CDK3: variants seen among roughly 807,000 people sequenced by gnomAD.
CDK3 encodes the protein cyclin-dependent kinase 3.
Under a neutral mutation model 30.2 loss-of-function variants are expected in CDK3, and 24 were observed. The ratio of observed to expected loss-of-function variants is 0.79; its 90% CI spans 0.57 to 1.12. The LOEUF (loss-of-function observed/expected upper bound fraction) is 1.12, where lower values mean the gene tolerates loss of function less well. Ranked by LOEUF, CDK3 falls within the 50% of genes most tolerant of loss-of-function variation. The pLI is 0.00. For missense variants in CDK3, 345 were observed against 376.0 expected (o/e 0.92, Z 0.68); for synonymous variants, 158 against 154.2 (o/e 1.02, Z -0.18).
chr17:76,001,080 G>A lies in CDK3; in HGVS notation c.-15+113G>A. ...CTCTGACTTCCTGGGGGTTCTGGCT[G>A]GGATGGGCAGGGGGCTGGGTGGGAG... On this transcript the variant is annotated intron_variant, in intron 1 of 7. Transcript: ENST00000448471. The surrounding 1 kb of genome is among the most constrained non-coding windows in gnomAD (Gnocchi z 6.2). 8.5e-7 allele frequency: 1 copy of A among 1,176,756 alleles called. No individual in the cohort carries two copies. The highest frequency in any genetic ancestry group is 1.1e-6 in the Non-Finnish European group (1 of 940,474). 72.9% of individuals were successfully genotyped at this position (1,176,756 alleles called of 1,614,324 possible). A position where few individuals can be genotyped will look rare whatever the true frequency, so the allele number is the denominator to read the frequency against.
chr17:76,004,020 A>G (rs776224139), intron 7 of CDK3, among the ~76,000 whole-genome samples: 1 of 151,826 alleles, frequency 6.6e-6, no homozygotes, highest in Non-Finnish European at 1.5e-5. Context: ...CTGGGATTAC[A>G]GGCATGAGCC....
chr17:76,002,493 T>C lies in CDK3; in HGVS notation c.487-18T>C, dbSNP rs771824554. Reference sequence around the variant, plus strand: ...TGCACTCAGCCACCCTGAGTGATACTGTTTCTTTGCCCTGCAGGTGGTGAC... The same window carrying C: ...TGCACTCAGCCACCCTGAGTGATACCGTTTCTTTGCCCTGCAGGTGGTGAC... On this transcript the variant is annotated intron_variant, in intron 5 of 7. Coordinates refer to ENST00000448471, the MANE Select transcript of CDK3 (RefSeq NM_001258.4). The surrounding 1 kb of genome is among the most constrained non-coding windows in gnomAD (Gnocchi z 4.3). 1.3e-6 allele frequency: 2 copies of C among 1,537,956 alleles called. No individual in the cohort carries two copies. Among genetic ancestry groups the C allele is most frequent in the African/African-American group, 1.4e-5 (1 of 73,570 alleles).
Position 76,005,293 on chromosome 17 carries a change from C to T in CDK3, c.793-5C>T. The T allele has an allele frequency of 1.2e-6, 2 of 1,613,370 alleles. No homozygotes were observed. Among genetic ancestry groups the T allele is most frequent in the Non-Finnish European group, 1.7e-6 (2 of 1,179,532 alleles). On this transcript the variant is annotated splice_polypyrimidine_tract_variant and splice_region_variant and intron_variant, in intron 7 of 7. Transcript: ENST00000448471. The surrounding 1 kb of genome is among the most constrained non-coding windows in gnomAD (Gnocchi z 4.7). ...GACCACATCTTCTTCCTTCTTTCTT[C>T]CTAGCAACTCCTGCAGTATGACCCC... is the stretch of plus-strand genomic sequence containing the variant.
Position 76,005,100 on chromosome 17 carries a change from G to A in CDK3, c.793-198G>A, listed in dbSNP as rs1261334008. On this transcript the variant is annotated intron_variant, in intron 7 of 7. Coordinates refer to ENST00000448471, the MANE Select transcript of CDK3 (RefSeq NM_001258.4). This position sits in a 1 kb window ranked among gnomAD's most constrained non-coding sequence, Gnocchi z 4.7. ...CAGCTTCAGTGGCCTGAGGAGACCTGGGTGACTCGTTAGGACTGTCCAGAT... is the reference window on the plus strand; with the variant it reads ...CAGCTTCAGTGGCCTGAGGAGACCTAGGTGACTCGTTAGGACTGTCCAGAT... 6.6e-6 allele frequency among the ~76,000 whole-genome samples: 1 copy of A among 152,160 alleles called. No homozygotes were observed. The highest frequency in any genetic ancestry group is 2.4e-5 in the African/African-American group (1 of 41,430).
chr17:76,003,649 T>A (rs2066282391), intron 7 of CDK3, among the ~76,000 whole-genome samples: 1 of 152,226 alleles, frequency 6.6e-6, no homozygotes, highest in Admixed American at 6.5e-5. Context: ...ACGCCCTTTT[T>A]CCCTAGTTGT....
chr17:76,002,286 C>A lies in CDK3; in HGVS notation c.354C>A (p.Cys118Ter), dbSNP rs762171036. Residue 118 changes from cysteine (C) to a stop codon, truncating the protein, a stop_gained, in exon 5 of 8, where the codon TGC becomes TGA. Coordinates refer to ENST00000448471, the MANE Select transcript of CDK3 (RefSeq NM_001258.4). LOFTEE classifies it high-confidence loss of function. This position sits in a 1 kb window ranked among gnomAD's most constrained non-coding sequence, Gnocchi z 4.3. The stretch of plus-strand genomic sequence containing the variant: ...AGCTGCTGCAGGGGGTGAGTTTCTG[C>A]CACTCACATCGGGTCATCCACCGAG... Reference protein sequence around the residue: ...LFQLLQGVSFCHSHRVIHRDL... With the variant: ...LFQLLQGVSF The A allele has an allele frequency of 1.9e-6, 3 of 1,611,280 alleles. No homozygotes were observed. The Admixed American group carries it at 5.0e-5, about 27-fold the overall frequency.
Position 76,005,418 on chromosome 17 carries a change from C to T in CDK3, c.913C>T (p.His305Tyr). Residue 305 changes from histidine to tyrosine, a missense_variant, in exon 8 of 8, where the codon CAT (histidine) becomes TAT (tyrosine). Physicochemically the swap from His to Tyr is moderately conservative, Grantham distance 83. Transcript: ENST00000448471. This position sits in a 1 kb window ranked among gnomAD's most constrained non-coding sequence, Gnocchi z 4.7. The part of the protein sequence containing the change: ...ARQYVLQRFR[H>Y] Reference sequence around the variant, plus strand: ...CCAGTATGTGCTGCAGCGATTCCGCCATTGAGAATGTCAAGGCCACACTCA... The same window carrying T: ...CCAGTATGTGCTGCAGCGATTCCGCTATTGAGAATGTCAAGGCCACACTCA... 6.2e-7 allele frequency: 1 copy of T among 1,612,914 alleles called. No individual in the cohort carries two copies.
At position 76,003,358 on chromosome 17, in the gene CDK3, T is replaced by C. The variant is rs374536763; in HGVS notation, c.752T>C (p.Ile251Thr). Reference protein sequence around the residue: ...PKWTRKGLEEIVPNLEPEGRD... With the variant: ...PKWTRKGLEETVPNLEPEGRD... Reference sequence around the variant, plus strand: ...TGGACCAGGAAGGGACTGGAAGAGATTGTGCCCAATCTGGAGCCAGAGGGC... The same window carrying C: ...TGGACCAGGAAGGGACTGGAAGAGACTGTGCCCAATCTGGAGCCAGAGGGC... Residue 251 changes from isoleucine (I) to threonine (T), a missense_variant, in exon 7 of 8, where the codon ATT becomes ACT. Physicochemically the swap from Ile to Thr is moderately conservative, Grantham distance 89. Transcript: ENST00000448471. 1.2e-6 allele frequency: 2 copies of C among 1,613,854 alleles called. No homozygotes were observed. Among genetic ancestry groups the C allele is most frequent in the South Asian group, 2.2e-5 (2 of 91,058 alleles).
At chr17:76,003,026 G>A in intron 6 of CDK3, 169 bp from the exon 7 acceptor site, 1 of 676,212 alleles carries the variant, frequency 1.5e-6, no homozygotes, top group East Asian at 2.5e-5. Context: ...TTTGGTACTG[G>A]CTAAAGGACT....
At position 76,005,073 on chromosome 17, in the gene CDK3, C is replaced by T. The variant is rs151276823; in HGVS notation, c.793-225C>T. 1.4e-4 allele frequency among the ~76,000 whole-genome samples: 22 copies of T among 152,234 alleles called. No homozygotes were observed. The East Asian group carries it at 4.2e-3, about 29-fold the overall frequency. On this transcript the variant is annotated intron_variant, in intron 7 of 7. Coordinates refer to ENST00000448471, the MANE Select transcript of CDK3 (RefSeq NM_001258.4). This position sits in a 1 kb window ranked among gnomAD's most constrained non-coding sequence, Gnocchi z 4.7. Reference sequence around the variant, plus strand: ...GGACCCTCCCCGAGAAGGGGGGTGACTCAGCTTCAGTGGCCTGAGGAGACC... The same window carrying T: ...GGACCCTCCCCGAGAAGGGGGGTGATTCAGCTTCAGTGGCCTGAGGAGACC...
Position 76,001,594 on chromosome 17 carries a change from G to A in CDK3, c.116+53G>A, listed in dbSNP as rs2144374731. The A allele has an allele frequency of 6.8e-7, 1 of 1,470,158 alleles. No homozygotes were observed. The highest frequency in any genetic ancestry group is 9.5e-7 in the Non-Finnish European group (1 of 1,057,206). The allele number at this position is 1,470,158 out of a possible 1,614,324, so 91.1% of individuals were successfully genotyped here. ...CCCACCCTGGGCCATCACAACCTGG[G>A]CGCTCCCTGATCCGTTCCCTCTTTC... On this transcript the variant is annotated intron_variant, in intron 2 of 7. Transcript: ENST00000448471. This position sits in a 1 kb window ranked among gnomAD's most constrained non-coding sequence, Gnocchi z 6.2.
Position 76,002,049 on chromosome 17 carries a change from G to A in CDK3, c.222G>A (p.Arg74=), listed in dbSNP as rs1479662249. 3 of 1,613,844 alleles carry A rather than the reference G, an allele frequency of 1.9e-6. No homozygotes were observed. The highest frequency in any genetic ancestry group is 2.7e-5 in the African/African-American group (2 of 74,842). The part of the protein sequence containing the change: ...VRLLDVVHNE[R]KLYLVFEFLS... The stretch of plus-strand genomic sequence containing the variant: ...TGCTGGACGTGGTGCACAACGAGAG[G>A]AAGCTCTATCTGGTGTTTGAGTTCC... Residue 74 remains arginine, a synonymous_variant, in exon 4 of 8, where the codon AGG becomes AGA. Coordinates refer to ENST00000448471, the MANE Select transcript of CDK3 (RefSeq NM_001258.4). This position sits in a 1 kb window ranked among gnomAD's most constrained non-coding sequence, Gnocchi z 4.3.
Position 76,005,762 on chromosome 17 carries a change from T to C in CDK3, c.*339T>C, listed in dbSNP as rs1351032865. 5.8e-5 allele frequency: 13 copies of C among 224,214 alleles called. No individual in the cohort carries two copies. Among genetic ancestry groups the C allele is most frequent in the Non-Finnish European group, 7.0e-5 (8 of 114,132 alleles). The allele number at this position is 224,214 out of a possible 1,614,324, so 13.9% of individuals were successfully genotyped here. On this transcript the variant is annotated 3_prime_UTR_variant, in exon 8 of 8. Transcript: ENST00000448471. This position sits in a 1 kb window ranked among gnomAD's most constrained non-coding sequence, Gnocchi z 4.7. ...CTGCCCTGCCTGCAGGGCCAGACCC[T>C]GAGGAAAGGGCGCCCCCTGCTGGTC...
Position 76,001,807 on chromosome 17 carries a change from C to A in CDK3, c.117-67C>A. 2.7e-6 allele frequency: 4 copies of A among 1,457,566 alleles called. No homozygotes were observed. Among genetic ancestry groups the A allele is most frequent in the South Asian group, 1.2e-5 (1 of 81,196 alleles). The allele number at this position is 1,457,566 out of a possible 1,614,324, so 90.3% of individuals were successfully genotyped here. A position where few individuals can be genotyped will look rare whatever the true frequency, so the allele number is the denominator to read the frequency against. On this transcript the variant is annotated intron_variant, in intron 2 of 7. Coordinates refer to ENST00000448471, the MANE Select transcript of CDK3 (RefSeq NM_001258.4). This position sits in a 1 kb window ranked among gnomAD's most constrained non-coding sequence, Gnocchi z 6.2. ...TCTGTGGGGTTAAGGAGAAGCCGAT[C>A]CCCCTGGCTGGAAGTGCCCTTCTTG...
rs1216080234 is a variant in CDK3, at chr17:76,002,013, C to A, written c.195-9C>A. On this transcript the variant is annotated splice_polypyrimidine_tract_variant and intron_variant, in intron 3 of 7. Coordinates refer to ENST00000448471, the MANE Select transcript of CDK3 (RefSeq NM_001258.4). This position sits in a 1 kb window ranked among gnomAD's most constrained non-coding sequence, Gnocchi z 4.3. ...GAAGGTAGCATCCTGACTGCCATCT[C>A]CCTGTCAGACTGCTGGACGTGGTGC... 3 of 1,613,954 alleles carry A rather than the reference C, an allele frequency of 1.9e-6. No homozygotes were observed. In the African/African-American group the frequency reaches 4.0e-5, roughly 22 times the overall value.
Position 76,002,590 on chromosome 17 carries a change from T to C in CDK3, c.566T>C (p.Ile189Thr), listed in dbSNP as rs779466474. The C allele has an allele frequency of 1.8e-4, 150 of 845,018 alleles. 2 individuals carry two copies. The highest frequency in any genetic ancestry group is 1.7e-3 in the South Asian group (127 of 75,786). 52.3% of individuals were successfully genotyped at this position (845,018 alleles called of 1,614,324 possible). ...FYTTAVDIWS[I>T]GCIFAEMVTR... is the part of the protein sequence containing the mutation. Reference sequence around the variant, plus strand: ...ACCACAGCTGTGGATATCTGGAGCATTGGTTGCATCTTTGCAGAGATGGTA... The same window carrying C: ...ACCACAGCTGTGGATATCTGGAGCACTGGTTGCATCTTTGCAGAGATGGTA... The change falls in exon 6 of 8, where the codon ATT becomes ACT. Residue 189 changes from isoleucine to threonine, a missense_variant. Coordinates refer to ENST00000448471, the MANE Select transcript of CDK3 (RefSeq NM_001258.4). The surrounding 1 kb of genome is among the most constrained non-coding windows in gnomAD (Gnocchi z 4.3).
Position 76,001,473 on chromosome 17 carries a change from G to C in CDK3, c.48G>C (p.Gly16=). The part of the protein sequence containing the change: ...KVEKIGEGTY[G]VVYKAKNRET... ...AGAAGATCGGAGAGGGCACCTATGG[G>C]GTGGTGTACAAGGCCAAGAACAGGG... Residue 16 remains glycine, a synonymous_variant, in exon 2 of 8, where the codon GGG becomes GGC. Transcript: ENST00000448471. This position sits in a 1 kb window ranked among gnomAD's most constrained non-coding sequence, Gnocchi z 6.2. 1 of 1,614,124 alleles carries C rather than the reference G, an allele frequency of 6.2e-7. No homozygotes were observed. Among genetic ancestry groups the C allele is most frequent in the Non-Finnish European group, 8.5e-7 (1 of 1,179,968 alleles).
chr17:76,002,305 C>T lies in CDK3; in HGVS notation c.373C>T (p.His125Tyr), dbSNP rs2066268035. The T allele has an allele frequency of 6.2e-7, 1 of 1,612,154 alleles. No homozygotes were observed. Among genetic ancestry groups the T allele is most frequent in the Non-Finnish European group, 8.5e-7 (1 of 1,179,988 alleles). ...TTTCTGCCACTCACATCGGGTCATC[C>T]ACCGAGACCTGAAGCCCCAGAACCT... ...VSFCHSHRVI[H>Y]RDLKPQNLLI... is the part of the protein sequence containing the mutation. The change falls in exon 5 of 8, where the codon CAC becomes TAC. Residue 125 changes from histidine (H) to tyrosine (Y), a missense_variant. His to Tyr is a moderately conservative substitution (Grantham distance 83). Coordinates refer to ENST00000448471, the MANE Select transcript of CDK3 (RefSeq NM_001258.4). The surrounding 1 kb of genome is among the most constrained non-coding windows in gnomAD (Gnocchi z 4.3).
Position 76,003,226 on chromosome 17 carries a change from C to G in CDK3, c.620C>G (p.Ser207Cys), listed in dbSNP as rs1378404223. Residue 207 changes from serine to cysteine, a missense_variant, in exon 7 of 8, where the codon TCT becomes TGT. Physicochemically the swap from Ser to Cys is moderately radical, Grantham distance 112. Transcript: ENST00000448471. ...VTRKALFPGD[S>C]EIDQLFRIFR... Reference sequence around the variant, plus strand: ...CGAAAAGCCCTGTTTCCTGGTGACTCTGAGATTGACCAGCTCTTTCGTATC... The same window carrying G: ...CGAAAAGCCCTGTTTCCTGGTGACTGTGAGATTGACCAGCTCTTTCGTATC... 1.2e-6 allele frequency: 2 copies of G among 1,614,232 alleles called. No homozygotes were observed. The highest frequency in any genetic ancestry group is 3.3e-5 in the Admixed American group (2 of 60,028).
Sources: gnomAD v4.1 joint callset for allele counts (sites outside exome capture counted in the v4.1 genomes callset) on GRCh38, gnomAD v4.1.1 for gene constraint, Gnocchi (gnomAD v3.1) non-coding constraint, MANE v1.5 for transcripts, NCBI Gene and HGNC (gene_info 2026-07-23, HGNC 2026-07-21) for gene names.